PC: variants seen among roughly 807,000 people sequenced by gnomAD.
PC encodes the protein pyruvate carboxylase.
A neutral mutation model predicts 107.8 loss-of-function variants in PC; 46 were observed. The observed-to-expected ratio is 0.43, with a 90% CI of 0.34 to 0.55. The LOEUF (loss-of-function observed/expected upper bound fraction) is 0.55. PC is among the 20% of genes least tolerant of loss of function. The pLI is 0.04. For synonymous variants in PC, 662 were observed against 684.7 expected (o/e 0.97, Z 0.52); for missense variants, 1,241 against 1,643.1 (o/e 0.76, Z 4.23).
intron 3 of PC, among the ~76,000 whole-genome samples, chr11:66,948,053 AG>A (rs1418663586): frequency 6.6e-6 from 1 of 151,722 alleles, no homozygotes; most frequent in African/African-American, 2.4e-5. Context: ...ATAGATAGAT[AG>A]ATAGATAGAT....
chr11:66,926,662 C>A (rs956932504), intron 3 of PC, among the ~76,000 whole-genome samples: 1 of 152,168 alleles, frequency 6.6e-6, no homozygotes, highest in African/African-American at 2.4e-5. Flanking sequence ...CTATCCAATT[C>A]CAGAACCTTT....
Position 66,866,015 on chromosome 11 carries a change from C to T in PC, c.1185+172G>A, listed in dbSNP as rs116177198. 0.01 allele frequency among the ~76,000 whole-genome samples: 1,571 copies of T among 152,312 alleles called. 27 individuals carry two copies. Among genetic ancestry groups the T allele is most frequent in the African/African-American group, 0.031 (1,305 of 41,560 alleles). On this transcript the variant is annotated intron_variant, in intron 11 of 22. Transcript: ENST00000393960. This position sits in a 1 kb window ranked among gnomAD's most constrained non-coding sequence, Gnocchi z 5.4. Reference sequence around the variant, plus strand: ...AGCAGTCTCTTCCCCTGGGAGGCGCCGCCCCTCCTCTGGGCACTGCCTGCC... The same window carrying T: ...AGCAGTCTCTTCCCCTGGGAGGCGCTGCCCCTCCTCTGGGCACTGCCTGCC...
chr11:66,919,243 C>T (rs1948537093), intron 3 of PC, among the ~76,000 whole-genome samples: 1 of 152,188 alleles, frequency 6.6e-6, no homozygotes, highest in Non-Finnish European at 1.5e-5. Context: ...GGATGAAACC[C>T]TGTCTCTACT....
chr11:66,925,128 T>TCACAGGAC (rs1331979986), intron 3 of PC, among the ~76,000 whole-genome samples: 3 of 152,282 alleles, frequency 2.0e-5, no homozygotes, highest in Non-Finnish European at 2.9e-5. Context: ...CAGGGCGAGA[T>TCACAGGAC]CACAGGACCA....
chr11:66,869,868 G>A (rs887951633), intron 9 of PC, among the ~76,000 whole-genome samples: 1 of 152,250 alleles, frequency 6.6e-6, no homozygotes, highest in Non-Finnish European at 1.5e-5. Flanking sequence ...AGAGGGTGCA[G>A]AGCAAGGAAA....
At chr11:66,925,484 C>A (rs868705203) in intron 3 of PC, among the ~76,000 whole-genome samples, 19 of 152,314 alleles carry the variant, frequency 1.2e-4, no homozygotes, top group South Asian at 1.2e-3. Flanking sequence ...TCTGCTCCGC[C>A]CAGCTCACCG....
At chr11:66,894,592 C>G (rs1429728558) in intron 3 of PC, among the ~76,000 whole-genome samples, 1 of 152,242 alleles carries the variant, frequency 6.6e-6, no homozygotes, top group Non-Finnish European at 1.5e-5. Flanking sequence ...GGGTCTGGAG[C>G]AGGCTGAGAA....
In PC at chr11:66,848,810, C is replaced by T. The variant is rs186152567; in HGVS notation, c.*89G>A. 1,245 of 1,568,220 alleles carry T rather than the reference C, an allele frequency of 7.9e-4. 13 individuals are homozygous for T. The highest frequency in any genetic ancestry group is 1.0e-3 in the South Asian group (94 of 89,768). On this transcript the variant is annotated 3_prime_UTR_variant, in exon 23 of 23. Coordinates refer to ENST00000393960, the MANE Select transcript of PC (RefSeq NM_001040716.2). ...GACCTCCACGGCCCGGCCTTCCTGG[C>T]CTCGGGCACTGGCTGGCCTGGGCCT...
chr11:66,858,123 C>T lies in PC; in HGVS notation c.1369-4740G>A, dbSNP rs1412868364. The T allele has an allele frequency of 6.2e-7, 1 of 1,610,766 alleles. No individual in the cohort carries two copies. Among genetic ancestry groups the T allele is most frequent in the Non-Finnish European group, 8.5e-7 (1 of 1,178,918 alleles). On this transcript the variant is annotated intron_variant, in intron 12 of 22. Transcript: ENST00000393960. This position sits in a 1 kb window ranked among gnomAD's most constrained non-coding sequence, Gnocchi z 5.9. ...CCCCGTCAATCTGCAGCACCTCATC[C>T]TCAGCGGCAACCAGCTGGGCCGCAT...
chr11:66,922,148 G>A (rs1948611070), intron 3 of PC, among the ~76,000 whole-genome samples: 1 of 152,176 alleles, frequency 6.6e-6, no homozygotes, highest in South Asian at 2.1e-4. Flanking sequence ...AGAGTGTGGG[G>A]CTGGAAATCT....
At chr11:66,862,235 C>A (rs915775165) in intron 12 of PC, among the ~76,000 whole-genome samples, 1 of 152,164 alleles carries the variant, frequency 6.6e-6, no homozygotes, top group Non-Finnish European at 1.5e-5. Flanking sequence ...GGACCCCCAA[C>A]AGGGAGGCTG....
intron 12 of PC, chr11:66,859,011 TG>T: frequency 6.6e-7 from 1 of 1,520,210 alleles, no homozygotes; most frequent in Non-Finnish European, 8.8e-7. Context: ...GCTGGTGAGC[TG>T]GGGTCCCGGG....
At chr11:66,955,465 C>T (rs1340653861) in intron 1 of PC, among the ~76,000 whole-genome samples, 1 of 152,276 alleles carries the variant, frequency 6.6e-6, no homozygotes, top group East Asian at 1.9e-4. Flanking sequence ...TGAGGACTGG[C>T]ACAGGGAACC....
rs764038016 is a variant in PC, at chr11:66,871,642, TC to T, written c.321+44del. On this transcript the variant is annotated intron_variant, in intron 5 of 22. Coordinates refer to ENST00000393960, the MANE Select transcript of PC (RefSeq NM_001040716.2). The surrounding 1 kb of genome is among the most constrained non-coding windows in gnomAD (Gnocchi z 7.4). ...AAGAGACCCCCGCGGCAACTAAGAC[TC>T]CCTGGTCCCTGCTGTCCAGGCCCAG... 2 of 1,560,710 alleles carry T rather than the reference TC, an allele frequency of 1.3e-6. No homozygotes were observed. Among genetic ancestry groups the T allele is most frequent in the African/African-American group, 2.7e-5 (2 of 73,536 alleles).
At chr11:66,875,733 G>A (rs1457633414) in intron 3 of PC, among the ~76,000 whole-genome samples, 1 of 152,148 alleles carries the variant, frequency 6.6e-6, no homozygotes, top group Non-Finnish European at 1.5e-5. Context: ...AGGCACCCAG[G>A]TCACACCCGG....
chr11:66,887,658 A>C (rs1947422038), intron 3 of PC, among the ~76,000 whole-genome samples: 1 of 152,236 alleles, frequency 6.6e-6, no homozygotes, highest in South Asian at 2.1e-4. Context: ...GACTCCCGGA[A>C]GGGGAGACGA....
chr11:66,918,360 C>A (rs1302933232), intron 3 of PC, among the ~76,000 whole-genome samples: 2 of 151,190 alleles, frequency 1.3e-5, no homozygotes, highest in African/African-American at 4.9e-5. Flanking sequence ...CAGAGTGAGA[C>A]CTTATTTCAA....
intron 3 of PC, among the ~76,000 whole-genome samples, chr11:66,879,114 G>A (rs979524545): frequency 3.9e-5 from 6 of 152,074 alleles, no homozygotes; most frequent in Non-Finnish European, 7.4e-5. Context: ...GGAAGCCCCC[G>A]GCCCCACACA....
intron 3 of PC, among the ~76,000 whole-genome samples, chr11:66,947,221 A>G (rs1470342980): frequency 2.0e-5 from 3 of 152,188 alleles, no homozygotes; most frequent in African/African-American, 7.2e-5. Context: ...TAGATGCCAA[A>G]AAGTAGAAGC....
Sources: gnomAD v4.1 joint callset for allele counts (sites outside exome capture counted in the v4.1 genomes callset) on GRCh38, gnomAD v4.1.1 for gene constraint, Gnocchi (gnomAD v3.1) non-coding constraint, MANE v1.5 for transcripts, NCBI Gene and HGNC (gene_info 2026-07-23, HGNC 2026-07-21) for gene names.